TBC1D22A: variants seen among roughly 807,000 people sequenced by gnomAD.
TBC1D22A encodes the protein TBC1 domain family member 22A, also known as putative GTPase activator.
In TBC1D22A, 38 loss-of-function variants were observed where a neutral mutation model predicts 60.2. The ratio of observed to expected loss-of-function variants is 0.63; its 90% CI spans 0.49 to 0.83. TBC1D22A has a LOEUF of 0.83. TBC1D22A is among the 40% of genes least tolerant of loss of function. The pLI is 0.00. For missense variants in TBC1D22A, 628 were observed against 701.0 expected, an observed-to-expected ratio of 0.90 and a Z score of 1.18; for synonymous variants, 302 against 281.7, an observed-to-expected ratio of 1.07 and a Z score of -0.72.
intron 11 of TBC1D22A, among the ~76,000 whole-genome samples, chr22:47,083,295 C>T (rs767148300): frequency 2.2e-4 from 33 of 150,202 alleles, no homozygotes; most frequent in South Asian, 2.1e-4. Flanking sequence ...ATTATACATC[C>T]GAAAAAAACT....
In TBC1D22A at chr22:46,793,553, G is replaced by T; in HGVS notation, c.172G>T (p.Val58Phe). The change falls in exon 3 of 13, where the codon GTC becomes TTC. Residue 58 changes from valine (V) to phenylalanine (F), a missense_variant. Physicochemically the swap from Val to Phe is conservative, Grantham distance 50. Coordinates refer to ENST00000337137, the MANE Select transcript of TBC1D22A (RefSeq NM_014346.5). Reference protein sequence around the residue: ...MPTTPVKAKRVSTFQEFESNT... With the variant: ...MPTTPVKAKRFSTFQEFESNT... ...GACCACACCAGTGAAGGCCAAGAGGGTCAGCACCTTCCAGGAGTTTGAGAG... is the reference window on the plus strand; with the variant it reads ...GACCACACCAGTGAAGGCCAAGAGGTTCAGCACCTTCCAGGAGTTTGAGAG... 6.2e-7 allele frequency: 1 copy of T among 1,614,210 alleles called. No individual in the cohort carries two copies. Among genetic ancestry groups the T allele is most frequent in the Non-Finnish European group, 8.5e-7 (1 of 1,180,054 alleles).
intron 10 of TBC1D22A, among the ~76,000 whole-genome samples, chr22:47,027,964 G>A (rs1282028447): frequency 6.6e-6 from 1 of 152,196 alleles, no homozygotes; most frequent in Non-Finnish European, 1.5e-5. Flanking sequence ...GGCCCCTGGA[G>A]CTTCAGGCAC....
At chr22:46,915,557 G>A (rs754444083) in intron 8 of TBC1D22A, 6 of 456,594 alleles carry the variant, frequency 1.3e-5, no homozygotes, top group Non-Finnish European at 2.6e-5. Flanking sequence ...CAGCTGGCCT[G>A]GTTCTGGGGA....
chr22:47,130,384 C>T (rs984282941), intron 12 of TBC1D22A, among the ~76,000 whole-genome samples: 5 of 152,142 alleles, frequency 3.3e-5, no homozygotes, highest in Admixed American at 2.0e-4. Context: ...CTTCCTTGTC[C>T]GGTAGAGCAC....
chr22:46,805,485 C>T (rs117571134), intron 4 of TBC1D22A, among the ~76,000 whole-genome samples: 140 of 152,336 alleles, frequency 9.2e-4, no homozygotes, highest in Middle Eastern at 3.4e-3. Flanking sequence ...AGGATCTAAG[C>T]TCCAAGTCAC....
chr22:46,831,584 A>T (rs1411563945), intron 4 of TBC1D22A, among the ~76,000 whole-genome samples: 1 of 152,162 alleles, frequency 6.6e-6, no homozygotes, highest in African/African-American at 2.4e-5. Context: ...AGTAATTAGT[A>T]TTCCTATTAG....
chr22:47,133,164 G>A (rs957328166), intron 12 of TBC1D22A, among the ~76,000 whole-genome samples: 5 of 152,240 alleles, frequency 3.3e-5, no homozygotes, highest in Non-Finnish European at 5.9e-5. Context: ...AGCATAAATT[G>A]TGGATTAGAA....
chr22:46,821,078 A>T (rs1442602568), intron 4 of TBC1D22A, among the ~76,000 whole-genome samples: 2 of 115,714 alleles, frequency 1.7e-5, no homozygotes, highest in African/African-American at 3.4e-5. Context: ...TTTGCTTTCC[A>T]TCTGCTTGGT....
intron 4 of TBC1D22A, among the ~76,000 whole-genome samples, chr22:46,851,447 A>C (rs2087273593): frequency 6.6e-6 from 1 of 152,228 alleles, no homozygotes; most frequent in East Asian, 1.9e-4. Context: ...TTGGTGCCTG[A>C]GTGCCTGTGC....
intron 12 of TBC1D22A, among the ~76,000 whole-genome samples, chr22:47,127,573 G>A (rs990542244): frequency 6.6e-5 from 10 of 152,020 alleles, no homozygotes; most frequent in African/African-American, 1.7e-4. Flanking sequence ...TTATTGCAGC[G>A]AGAGTCTTCA....
intron 2 of TBC1D22A, among the ~76,000 whole-genome samples, chr22:46,793,253 A>G (rs1182217608): frequency 2.6e-5 from 4 of 152,130 alleles, no homozygotes; most frequent in African/African-American, 9.7e-5. Flanking sequence ...GGGTATCACC[A>G]TGTGGCCCTG....
rs181299393 is a variant in TBC1D22A at position 46,985,047 on chromosome 22, C to A, written c.1125+10648C>A. Among the ~76,000 whole-genome samples the A allele has an allele frequency of 2.5e-3, 388 of 152,216 alleles. 4 individuals are homozygous for A. The highest frequency in any genetic ancestry group is 3.5e-3 in the Non-Finnish European group (235 of 68,022). On this transcript the variant is annotated intron_variant, in intron 9 of 12. Coordinates refer to ENST00000337137, the MANE Select transcript of TBC1D22A (RefSeq NM_014346.5). ...GGAGCCTCCGCCATGAGTTCAGGAG[C>A]CTCTGCCATGAGCTCAGGCAGCTGG...
intron 9 of TBC1D22A, among the ~76,000 whole-genome samples, chr22:46,995,532 T>TGTGTGA (rs879592852): frequency 8.0e-5 from 12 of 150,756 alleles, no homozygotes; most frequent in African/African-American, 1.7e-4. Flanking sequence ...TGTGTGTGTG[T>TGTGTGA]GAGAGAGAAA....
chr22:47,122,489 A>G (rs1482871603), intron 12 of TBC1D22A, among the ~76,000 whole-genome samples: 1 of 152,142 alleles, frequency 6.6e-6, no homozygotes, highest in Non-Finnish European at 1.5e-5. Context: ...AGCCCCTCCA[A>G]GCTGGCCACC....
At chr22:46,972,167 G>A (rs1415798159) in intron 8 of TBC1D22A, among the ~76,000 whole-genome samples, 3 of 152,146 alleles carry the variant, frequency 2.0e-5, no homozygotes, top group African/African-American at 4.8e-5. Context: ...TCACAAGCCC[G>A]GGTCCCAGGA....
chr22:46,997,748 G>C, intron 10 of TBC1D22A, 39 bp downstream of exon 10: 1 of 1,598,812 alleles, frequency 6.3e-7, no homozygotes, highest in South Asian at 1.1e-5. Context: ...CTGTGGGCGG[G>C]GGGAGGTGGC....
intron 11 of TBC1D22A, among the ~76,000 whole-genome samples, chr22:47,071,389 C>T (rs913089176): frequency 1.3e-4 from 20 of 152,212 alleles, no homozygotes; most frequent in Non-Finnish European, 2.1e-4. Flanking sequence ...CTGCTCCCTG[C>T]CCGTCCTCAG....
Position 46,937,360 on chromosome 22 carries a change from C to T in TBC1D22A, c.1015+25172C>T, listed in dbSNP as rs1340959442. ...ATGGCGTATACCACAGAACTGTGTGCGAGCTGGAGAATTCCTCTCACCTGG... is the reference window on the plus strand; with the variant it reads ...ATGGCGTATACCACAGAACTGTGTGTGAGCTGGAGAATTCCTCTCACCTGG... On this transcript the variant is annotated intron_variant, in intron 8 of 12. Transcript: ENST00000337137. Among the ~76,000 whole-genome samples the T allele has an allele frequency of 5.3e-5, 8 of 152,250 alleles. No individual in the cohort carries two copies. In the South Asian group the frequency reaches 1.5e-3, roughly 28 times the overall value.
chr22:47,073,310 GTC>G (rs1277779758), intron 11 of TBC1D22A, among the ~76,000 whole-genome samples: 1 of 152,236 alleles, frequency 6.6e-6, no homozygotes, highest in Admixed American at 6.5e-5. Flanking sequence ...GAAGCACAGA[GTC>G]TATTTTGTGC....
Sources: gnomAD v4.1 joint callset for allele counts (sites outside exome capture counted in the v4.1 genomes callset) on GRCh38, gnomAD v4.1.1 for gene constraint, MANE v1.5 for transcripts, NCBI Gene and HGNC (gene_info 2026-07-23, HGNC 2026-07-21) for gene names.